ROBO1: variants seen among roughly 807,000 people sequenced by gnomAD.
The protein encoded by ROBO1 is roundabout homolog 1.
Under a neutral mutation model 195.9 loss-of-function variants are expected in ROBO1, and 149 were observed. That is an observed-to-expected ratio of 0.76 (90% CI 0.67 to 0.87). ROBO1 has a LOEUF of 0.87. ROBO1 is among the 40% of genes least tolerant of loss of function. ROBO1 has a pLI of 0.00. For missense variants in ROBO1, 1,933 were observed against 2,068.3 expected (o/e 0.93, Z 1.27); for synonymous variants, 816 against 733.2 (o/e 1.11, Z -1.82).
rs970037876 is a variant in ROBO1 at position 78,939,617 on chromosome 3, C to CA, written c.173-691dup. On this transcript the variant is annotated intron_variant, in intron 3 of 30. Transcript: ENST00000464233. ...TGGGTGACACAGCAAGACTCTGCCT[C>CA]AAAAAAAAAAGAAAAAAGAAAAAAA... is the stretch of plus-strand genomic sequence containing the variant. Among the ~76,000 whole-genome samples, 67 of 117,546 alleles carry CA rather than the reference C, an allele frequency of 5.7e-4. 3 individuals are homozygous for CA. The East Asian group carries it at 7.8e-3, about 14-fold the overall frequency. 77.1% of individuals were successfully genotyped at this position (117,546 alleles called of 152,430 possible).
intron 2 of ROBO1, among the ~76,000 whole-genome samples, chr3:79,308,484 A>C (rs560194056): frequency 6.6e-6 from 1 of 152,140 alleles, no homozygotes; most frequent in African/African-American, 2.4e-5. Context: ...TCATTCAACA[A>C]ATTCTCCTGG....
At chr3:79,225,349 G>C (rs2082208442) in intron 2 of ROBO1, among the ~76,000 whole-genome samples, 1 of 152,060 alleles carries the variant, frequency 6.6e-6, no homozygotes, top group Non-Finnish European at 1.5e-5. Flanking sequence ...TAAAAGGATG[G>C]AAAATACCAA....
At chr3:78,626,532 A>G (rs1704791068) in intron 26 of ROBO1, among the ~76,000 whole-genome samples, 1 of 152,178 alleles carries the variant, frequency 6.6e-6, no homozygotes, top group African/African-American at 2.4e-5. Context: ...TCAATTTCAA[A>G]TGATATTAGG....
At chr3:79,516,114 A>G (rs150048347) in intron 2 of ROBO1, among the ~76,000 whole-genome samples, 1,637 of 152,252 alleles carry the variant, frequency 0.011, 30 homozygotes, top group African/African-American at 0.037. Flanking sequence ...AGAAAAAAAA[A>G]GGTTTCCATA....
At chr3:78,962,418 A>G (rs773752416) in intron 3 of ROBO1, among the ~76,000 whole-genome samples, 11 of 152,176 alleles carry the variant, frequency 7.2e-5, no homozygotes, top group South Asian at 6.2e-4. Flanking sequence ...CACTTGCACA[A>G]TATTTCCCTA....
intron 26 of ROBO1, among the ~76,000 whole-genome samples, chr3:78,627,043 T>C (rs750876132): frequency 6.6e-6 from 1 of 152,190 alleles, no homozygotes; most frequent in Non-Finnish European, 1.5e-5. Flanking sequence ...TAGCAAACCA[T>C]ATACATGATC....
chr3:78,912,407 C>T (rs1449335489), intron 4 of ROBO1, among the ~76,000 whole-genome samples: 1 of 152,132 alleles, frequency 6.6e-6, no homozygotes, highest in Admixed American at 6.6e-5. Flanking sequence ...AGATTACCAC[C>T]TGTCCTGTTA....
intron 3 of ROBO1, among the ~76,000 whole-genome samples, chr3:78,939,596 T>G (rs1056728937): frequency 6.7e-6 from 1 of 149,388 alleles, no homozygotes; most frequent in Non-Finnish European, 1.5e-5. Flanking sequence ...CCAGCCTGGG[T>G]GACACAGCAA....
intron 2 of ROBO1, among the ~76,000 whole-genome samples, chr3:79,416,801 T>C (rs1164917909): frequency 6.6e-6 from 1 of 152,146 alleles, no homozygotes; most frequent in Non-Finnish European, 1.5e-5. Context: ...TGTAGGATAA[T>C]GTACTTGTCT....
chr3:79,269,278 G>A (rs540281920), intron 2 of ROBO1, among the ~76,000 whole-genome samples: 7 of 151,852 alleles, frequency 4.6e-5, no homozygotes, highest in African/African-American at 9.6e-5. Context: ...CAGGATCAGC[G>A]CCATATTCAT....
chr3:79,013,403 T>C (rs1318291970), intron 3 of ROBO1, among the ~76,000 whole-genome samples: 5 of 152,194 alleles, frequency 3.3e-5, no homozygotes, highest in African/African-American at 1.2e-4. Context: ...CAATGTGAAC[T>C]GGTTAGATGA....
At chr3:78,618,904 C>T (rs1470069413) in intron 26 of ROBO1, among the ~76,000 whole-genome samples, 1 of 152,128 alleles carries the variant, frequency 6.6e-6, no homozygotes, top group African/African-American at 2.4e-5. Context: ...TCCACTAACA[C>T]CACTAGGGCT....
At chr3:79,234,335 C>T (rs995635804) in intron 2 of ROBO1, among the ~76,000 whole-genome samples, 4 of 152,034 alleles carry the variant, frequency 2.6e-5, no homozygotes, top group Non-Finnish European at 5.9e-5. Context: ...ACATTTAAAT[C>T]GTTAAGCCAT....
At chr3:78,721,626 T>G (rs1447481198) in intron 5 of ROBO1, among the ~76,000 whole-genome samples, 1 of 152,230 alleles carries the variant, frequency 6.6e-6, no homozygotes, top group Non-Finnish European at 1.5e-5. Flanking sequence ...TTCAATGTTT[T>G]TTATCTACTA....
At chr3:79,314,544 A>G (rs867907765) in intron 2 of ROBO1, among the ~76,000 whole-genome samples, 42 of 152,334 alleles carry the variant, frequency 2.8e-4, no homozygotes, top group African/African-American at 9.6e-4. Context: ...AGCCATGCTC[A>G]ACTGTGAGTC....
chr3:78,641,519 G>T (rs1335092790), intron 21 of ROBO1, among the ~76,000 whole-genome samples: 7 of 152,130 alleles, frequency 4.6e-5, no homozygotes, highest in Non-Finnish European at 8.8e-5. Context: ...ACATTTAAAT[G>T]CAAATTATAA....
chr3:78,908,201 A>T (rs2107520526), intron 4 of ROBO1, among the ~76,000 whole-genome samples: 1 of 152,098 alleles, frequency 6.6e-6, no homozygotes, highest in African/African-American at 2.4e-5. Flanking sequence ...TCTTTTAATT[A>T]TCCAGCATCC....
At chr3:78,614,157 G>A (rs1272377738) in intron 28 of ROBO1, among the ~76,000 whole-genome samples, 1 of 152,104 alleles carries the variant, frequency 6.6e-6, no homozygotes, top group African/African-American at 2.4e-5. Context: ...TATTGTATGT[G>A]AAGGCATGAA....
intron 21 of ROBO1, among the ~76,000 whole-genome samples, chr3:78,642,961 C>T (rs1706056232): frequency 6.6e-6 from 1 of 151,812 alleles, no homozygotes; most frequent in Non-Finnish European, 1.5e-5. Context: ...ATGGCTCATT[C>T]ATTTTTTTTT....
Sources: allele counts gnomAD v4.1 joint callset (sites outside exome capture counted in the v4.1 genomes callset), GRCh38; gene constraint gnomAD v4.1.1; transcripts MANE v1.5; gene names NCBI Gene and HGNC (gene_info 2026-07-23, HGNC 2026-07-21).